MYOF: variants seen among roughly 807,000 people sequenced by gnomAD.
The protein encoded by MYOF is myoferlin.
In MYOF, 244 loss-of-function variants were observed where a neutral mutation model predicts 284.2. That is an observed-to-expected ratio of 0.86 (90% CI 0.77 to 0.95). MYOF has a LOEUF of 0.95. Among genes scored for constraint, MYOF ranks in the 40% least tolerant of loss-of-function variants. MYOF has a pLI of 0.00. For synonymous variants in MYOF, 904 were observed against 919.7 expected (o/e 0.98, Z 0.31); for missense variants, 2,496 against 2,560.6 (o/e 0.97, Z 0.54).
Position 93,363,958 on chromosome 10 carries a change from C to G in MYOF, c.2868+3G>C. The G allele has an allele frequency of 6.2e-7, 1 of 1,613,732 alleles. No homozygotes were observed. The highest frequency in any genetic ancestry group is 8.5e-7 in the Non-Finnish European group (1 of 1,179,766). On this transcript the variant is annotated splice_donor_region_variant and intron_variant, in intron 27 of 53. Transcript: ENST00000359263. ...GAGTTTCTCTCCGGAGCAGGCCACT[C>G]ACCGCATCCGTGTAGGTGTCCTCGG...
Position 93,337,728 on chromosome 10 carries a change from G to A in MYOF, c.4437+87C>T, listed in dbSNP as rs548891198. On this transcript the variant is annotated intron_variant, in intron 40 of 53. Transcript: ENST00000359263. Reference sequence around the variant, plus strand: ...CCCTGCTCATTAGCACCCACCCAAGGGACCTTTTAGTCATCCTCTTAGCTC... The same window carrying A: ...CCCTGCTCATTAGCACCCACCCAAGAGACCTTTTAGTCATCCTCTTAGCTC... 4.3e-5 allele frequency: 47 copies of A among 1,093,852 alleles called. No homozygotes were observed. The African/African-American group carries it at 6.9e-4, about 16-fold the overall frequency. The allele number at this position is 1,093,852 out of a possible 1,614,324, so 67.8% of individuals were successfully genotyped here.
intron 3 of MYOF, among the ~76,000 whole-genome samples, chr10:93,450,293 G>A (rs2056554256): frequency 1.3e-5 from 2 of 152,238 alleles, no homozygotes; most frequent in Admixed American, 1.3e-4. Context: ...TCAGGAGGCT[G>A]AGGCAGGAGA....
intron 1 of MYOF, among the ~76,000 whole-genome samples, chr10:93,464,885 A>C (rs577363961): frequency 6.6e-6 from 1 of 152,286 alleles, no homozygotes; most frequent in African/African-American, 2.4e-5. Context: ...ATTCAGAAGT[A>C]CTTCTTCCCC....
chr10:93,407,769 T>C (rs1774719), intron 7 of MYOF, among the ~76,000 whole-genome samples: 99,464 of 148,738 alleles, frequency 0.67, 37,484 homozygotes, highest in Non-Finnish European at 0.84. Context: ...TTTATCAGTA[T>C]GGGGGGCAAA....
In MYOF at chr10:93,343,310, C is replaced by T. The variant is rs1354891783; in HGVS notation, c.4326+546G>A. ...AACCAATTTCTTCACTTCAAAACCA[C>T]AGTGAAAATAAAAAAACCTGGGTGT... On this transcript the variant is annotated intron_variant, in intron 38 of 53. Coordinates refer to ENST00000359263, the MANE Select transcript of MYOF (RefSeq NM_013451.4). Among the ~76,000 whole-genome samples the T allele has an allele frequency of 2.6e-4, 37 of 139,834 alleles. 1 individual carries two copies. The allele number at this position is 139,834 out of a possible 152,430, so 91.7% of individuals were successfully genotyped here. A position where few individuals can be genotyped will look rare whatever the true frequency, so the allele number is the denominator to read the frequency against.
intron 1 of MYOF, among the ~76,000 whole-genome samples, chr10:93,475,571 C>T (rs2057241352): frequency 6.6e-6 from 1 of 152,214 alleles, no homozygotes; most frequent in African/African-American, 2.4e-5. Flanking sequence ...CAGGACTAAG[C>T]ATCAAGGACT....
Position 93,397,430 on chromosome 10 carries a change from A to AT in MYOF, c.1247dup (p.Asn416LysfsTer21). 6.2e-7 allele frequency: 1 copy of AT among 1,610,864 alleles called. No homozygotes were observed. Among genetic ancestry groups the AT allele is most frequent in the Non-Finnish European group, 8.5e-7 (1 of 1,179,294 alleles). On this transcript the variant is annotated frameshift_variant, in exon 14 of 54. Coordinates refer to ENST00000359263, the MANE Select transcript of MYOF (RefSeq NM_013451.4). LOFTEE classifies it high-confidence loss of function. ...CGACCTGATTCCACTCTGGGTTTGC[A>AT]TTTTTCTCAATTATGTTTGTACAAA...
intron 15 of MYOF, among the ~76,000 whole-genome samples, chr10:93,396,646 A>G (rs1847024666): frequency 6.6e-6 from 1 of 152,232 alleles, no homozygotes; most frequent in Non-Finnish European, 1.5e-5. Flanking sequence ...TTAATCAATT[A>G]TAGGCACATT....
At chr10:93,404,099 A>C (rs1440270589) in intron 8 of MYOF, 26 bp from the exon 9 acceptor site, 9 of 1,614,004 alleles carry the variant, frequency 5.6e-6, no homozygotes, top group Non-Finnish European at 7.6e-6. Flanking sequence ...GTAGTGAAGA[A>C]ATGATTGGCT....
intron 3 of MYOF, among the ~76,000 whole-genome samples, chr10:93,443,618 T>G (rs1408198381): frequency 6.6e-6 from 1 of 152,108 alleles, no homozygotes. Context: ...ATCCCTTTTC[T>G]TGCATTGCAG....
chr10:93,407,762 A>G (rs1359029805), intron 7 of MYOF, among the ~76,000 whole-genome samples: 1 of 147,022 alleles, frequency 6.8e-6, no homozygotes, highest in African/African-American at 2.5e-5. Flanking sequence ...AAAAAAATTT[A>G]TCAGTATGGG....
At chr10:93,397,679 T>C (rs1847087247) in intron 13 of MYOF, among the ~76,000 whole-genome samples, 1 of 151,718 alleles carries the variant, frequency 6.6e-6, no homozygotes, top group South Asian at 2.1e-4. Flanking sequence ...TTTTAATTAG[T>C]TTTCAATTGT....
chr10:93,416,012 C>T (rs1373222004), intron 5 of MYOF, among the ~76,000 whole-genome samples: 1 of 152,208 alleles, frequency 6.6e-6, no homozygotes, highest in Non-Finnish European at 1.5e-5. Context: ...CAGCCCTCTG[C>T]CCTCCTAGTC....
At chr10:93,429,497 G>A (rs1446125375) in intron 4 of MYOF, among the ~76,000 whole-genome samples, 1 of 152,142 alleles carries the variant, frequency 6.6e-6, no homozygotes, top group East Asian at 1.9e-4. Flanking sequence ...AAAGAAGGCA[G>A]AAAAATCATT....
At position 93,448,952 on chromosome 10, in the gene MYOF, G is replaced by A. The variant is rs551667169; in HGVS notation, c.236+3098C>T. Reference sequence around the variant, plus strand: ...AGAGGTTGCAGTGAGCCAAGATCACGCCACTGCACTCCAGCCTGGGTGACA... The same window carrying A: ...AGAGGTTGCAGTGAGCCAAGATCACACCACTGCACTCCAGCCTGGGTGACA... On this transcript the variant is annotated intron_variant, in intron 3 of 53. Coordinates refer to ENST00000359263, the MANE Select transcript of MYOF (RefSeq NM_013451.4). Among the ~76,000 whole-genome samples, 10 of 152,128 alleles carry A rather than the reference G, an allele frequency of 6.6e-5. No individual in the cohort carries two copies. The South Asian group carries it at 8.3e-4, about 13-fold the overall frequency.
At chr10:93,346,894 C>G (rs1844208153) in intron 37 of MYOF, among the ~76,000 whole-genome samples, 1 of 152,218 alleles carries the variant, frequency 6.6e-6, no homozygotes, top group Non-Finnish European at 1.5e-5. Context: ...CCTAACCATT[C>G]AGTGAAAGGC....
chr10:93,449,706 G>A (rs893225079), intron 3 of MYOF, among the ~76,000 whole-genome samples: 4 of 152,088 alleles, frequency 2.6e-5, no homozygotes, highest in African/African-American at 7.2e-5. Flanking sequence ...ACCCAGGCTG[G>A]TTTCTAACTC....
intron 50 of MYOF, 54 bp downstream of exon 50, chr10:93,316,660 C>G: frequency 2.1e-6 from 3 of 1,451,936 alleles, no homozygotes; most frequent in Non-Finnish European, 2.9e-6. Flanking sequence ...TTCATTGACC[C>G]CACTAATTCC....
In MYOF at chr10:93,373,103, A is replaced by T. The variant is rs1323972130; in HGVS notation, c.2302-18T>A. Reference sequence around the variant, plus strand: ...TTCTGTGGCTGGTCATGAGGATTGGATGGAAGAGGAAGCACAGCCATGGTT... The same window carrying T: ...TTCTGTGGCTGGTCATGAGGATTGGTTGGAAGAGGAAGCACAGCCATGGTT... On this transcript the variant is annotated intron_variant, in intron 23 of 53. Transcript: ENST00000359263. 1 of 1,614,074 alleles carries T rather than the reference A, an allele frequency of 6.2e-7. No homozygotes were observed. Among genetic ancestry groups the T allele is most frequent in the South Asian group, 1.1e-5 (1 of 91,076 alleles).
Sources: allele counts gnomAD v4.1 joint callset (sites outside exome capture counted in the v4.1 genomes callset), GRCh38; gene constraint gnomAD v4.1.1; transcripts MANE v1.5; gene names NCBI Gene and HGNC (gene_info 2026-07-23, HGNC 2026-07-21).